ARHGEF9: variants seen among roughly 807,000 people sequenced by gnomAD.
The protein encoded by ARHGEF9 is Cdc42 guanine nucleotide exchange factor 9, also known as rho guanine nucleotide exchange factor 9.
Under a neutral mutation model 41.3 loss-of-function variants are expected in ARHGEF9, and 2 were observed. The observed-to-expected ratio is 0.05, with a 90% CI of 0.02 to 0.15. The LOEUF is 0.15. ARHGEF9 is among the 10% of genes least tolerant of loss of function. ARHGEF9 has a pLI of 1.00. For synonymous variants in ARHGEF9, 160 were observed against 154.4 expected (o/e 1.04, Z -0.27); for missense variants, 225 against 424.7 (o/e 0.53, Z 4.13).
At chrX:63,731,899 C>T (rs2054323247) in intron 1 of ARHGEF9, 1 of 111,374 alleles carries the variant, frequency 9.0e-6, no homozygotes, top group African/African-American at 3.3e-5. Flanking sequence ...CAGACTGGAA[C>T]CATACAGATG....
chrX:63,650,643 AT>A (rs1254646058), intron 8 of ARHGEF9, among the ~76,000 whole-genome samples: 4 of 111,199 alleles, frequency 3.6e-5, no homozygotes, highest in Admixed American at 1.9e-4. Context: ...GCTAAAAAAA[AT>A]ATTTGGAATG....
At chrX:63,740,111 A>T (rs782738894) in intron 1 of ARHGEF9, among the ~76,000 whole-genome samples, 2 of 111,918 alleles carry the variant, frequency 1.8e-5, no homozygotes, top group South Asian at 3.7e-4. Flanking sequence ...TGCATTTCCT[A>T]GTTTAGGAAG....
chrX:63,671,206 T>C (rs1556355170), intron 6 of ARHGEF9: 1 of 112,270 alleles, frequency 8.9e-6, no homozygotes, highest in East Asian at 2.8e-4. Flanking sequence ...GCACGGTCTG[T>C]TCACAGCAGT....
At chrX:63,702,377 A>G (rs1475641440) in intron 3 of ARHGEF9, among the ~76,000 whole-genome samples, 21 of 112,375 alleles carry the variant, frequency 1.9e-4, no homozygotes, top group South Asian at 7.4e-4. Flanking sequence ...ACTAAACTGA[A>G]GGTATTTTAT....
At chrX:63,751,249 A>G (rs1246751118) in intron 1 of ARHGEF9, among the ~76,000 whole-genome samples, 1 of 110,974 alleles carries the variant, frequency 9.0e-6, no homozygotes, top group Non-Finnish European at 1.9e-5. Context: ...TCACCCATTT[A>G]CAGTGGGGAG....
chrX:63,783,604 C>T (rs1556463656), intron 1 of ARHGEF9, among the ~76,000 whole-genome samples: 2 of 111,570 alleles, frequency 1.8e-5, no homozygotes, highest in Non-Finnish European at 3.8e-5. Flanking sequence ...AGTCCTTTCC[C>T]AAGATCATGA....
chrX:63,653,311 A>G (rs1178851884), intron 8 of ARHGEF9, among the ~76,000 whole-genome samples: 1 of 111,492 alleles, frequency 9.0e-6, no homozygotes, highest in East Asian at 2.8e-4. Context: ...CTGCCTGTAG[A>G]TGACAGCTTT....
chrX:63,781,449 G>A (rs1247673452), intron 1 of ARHGEF9, among the ~76,000 whole-genome samples: 3 of 111,470 alleles, frequency 2.7e-5, no homozygotes, highest in East Asian at 2.8e-4. Context: ...CAGATCACTC[G>A]AACATTGACT....
At chrX:63,744,049 G>C (rs1163567204) in intron 1 of ARHGEF9, among the ~76,000 whole-genome samples, 1 of 112,081 alleles carries the variant, frequency 8.9e-6, no homozygotes, top group Non-Finnish European at 1.9e-5. Flanking sequence ...ACAGAAATGA[G>C]GGACAGAGAC....
chrX:63,732,583 C>T (rs1156269294), intron 1 of ARHGEF9, among the ~76,000 whole-genome samples: 1 of 111,516 alleles, frequency 9.0e-6, no homozygotes, highest in Non-Finnish European at 1.9e-5. Flanking sequence ...TAGTATCACT[C>T]CTCAAGCTCA....
At chrX:63,651,575 C>G (rs782579844) in intron 8 of ARHGEF9, among the ~76,000 whole-genome samples, 1 of 110,530 alleles carries the variant, frequency 9.0e-6, no homozygotes, top group Non-Finnish European at 1.9e-5. Flanking sequence ...ATGTAAATTC[C>G]GGATGGATTA....
chrX:63,685,099 TTTGCTAAGAGAGTAAATTTTAG>T (rs1556373949), intron 4 of ARHGEF9, among the ~76,000 whole-genome samples: 5 of 110,720 alleles, frequency 4.5e-5, no homozygotes. Context: ...ACACTGGAAA[TTTGCTAAGAGAGTAAATTTTAG>T]ATACTATTAC....
chrX:63,724,552 A>T lies in ARHGEF9; in HGVS notation c.190T>A (p.Phe64Ile). ...CTCACCCTCACAAAGCTGGCAGGAA[A>T]CCATCCCTCCTCATCGTCGATCTGG... ...WGQIDDEEGW[F>I]PASFVRLWVN... The change falls in exon 2 of 10, where the codon TTT becomes ATT. Residue 64 changes from phenylalanine (F) to isoleucine (I), a missense_variant. This residue lies in a region of ARHGEF9 where 114 missense variants were observed against 197.9 expected (regional missense o/e 0.58). Coordinates refer to ENST00000671741, the MANE Select transcript of ARHGEF9 (RefSeq NM_001353921.2). 8.3e-7 allele frequency: 1 copy of T among 1,211,086 alleles called. No homozygotes were observed. Among genetic ancestry groups the T allele is most frequent in the Non-Finnish European group, 1.1e-6 (1 of 895,398 alleles).
At chrX:63,763,338 A>G (rs2056064431) in intron 1 of ARHGEF9, among the ~76,000 whole-genome samples, 1 of 111,357 alleles carries the variant, frequency 9.0e-6, no homozygotes, top group African/African-American at 3.3e-5. Context: ...GACTGTACAC[A>G]TTTTTATAGT....
At chrX:63,694,575 T>C (rs1420270659) in intron 4 of ARHGEF9, among the ~76,000 whole-genome samples, 5 of 112,467 alleles carry the variant, frequency 4.4e-5, no homozygotes, top group African/African-American at 1.3e-4. Context: ...AAAGGCACTA[T>C]GTTAAATGAA....
chrX:63,650,558 A>G (rs1556327710), intron 8 of ARHGEF9, among the ~76,000 whole-genome samples: 1 of 111,051 alleles, frequency 9.0e-6, no homozygotes, highest in Non-Finnish European at 1.9e-5. Context: ...CACAGTTAGA[A>G]GGAATAAGAT....
At chrX:63,643,125 GCT>G (rs1556308162) in intron 9 of ARHGEF9, among the ~76,000 whole-genome samples, 2 of 112,026 alleles carry the variant, frequency 1.8e-5, no homozygotes, top group East Asian at 5.6e-4. Context: ...CCTTTGTTTG[GCT>G]GAGCATGATA....
At chrX:63,739,387 TG>T (rs1556425205) in intron 1 of ARHGEF9, among the ~76,000 whole-genome samples, 1 of 111,729 alleles carries the variant, frequency 9.0e-6, no homozygotes, top group Non-Finnish European at 1.9e-5. Context: ...GTGTCTCTCT[TG>T]GGCAAGCAGG....
At chrX:63,747,426 G>A (rs1436566287) in intron 1 of ARHGEF9, among the ~76,000 whole-genome samples, 1 of 111,799 alleles carries the variant, frequency 8.9e-6, no homozygotes, top group African/African-American at 3.3e-5. Context: ...ACAAGCCCCT[G>A]GGACTTATCG....
Sources: allele counts gnomAD v4.1 joint callset (sites outside exome capture counted in the v4.1 genomes callset), GRCh38; gene constraint gnomAD v4.1.1; regional missense constraint gnomAD v4.1.1; transcripts MANE v1.5; gene names NCBI Gene and HGNC (gene_info 2026-07-23, HGNC 2026-07-21).